CTNNA2: variants seen among roughly 807,000 people sequenced by gnomAD.
CTNNA2 encodes the protein catenin alpha-2.
Under a neutral mutation model 101.0 loss-of-function variants are expected in CTNNA2, and 42 were observed. The ratio of observed to expected loss-of-function variants is 0.42; its 90% CI spans 0.32 to 0.54. The LOEUF (loss-of-function observed/expected upper bound fraction) is 0.54. Among genes scored for constraint, CTNNA2 ranks in the 20% least tolerant of loss-of-function variants. The pLI is 0.14. For synonymous variants in CTNNA2, 450 were observed against 456.4 expected (o/e 0.99, Z 0.18); for missense variants, 871 against 1,223.1 (o/e 0.71, Z 4.29).
intron 7 of CTNNA2, among the ~76,000 whole-genome samples, chr2:80,344,496 A>G (rs1672539833): frequency 6.6e-6 from 1 of 152,156 alleles, no homozygotes; most frequent in Non-Finnish European, 1.5e-5. Flanking sequence ...TAACATTCCC[A>G]AATGTCTTCC....
rs768746480 is a variant in CTNNA2 at position 80,295,532 on chromosome 2, A to G, written c.1057-97679A>G. 5.3e-5 allele frequency among the ~76,000 whole-genome samples: 8 copies of G among 152,328 alleles called. No homozygotes were observed. The South Asian group carries it at 6.2e-4, about 12-fold the overall frequency. ...TCTGGAGGAATAGGAATTCAGGGGA[A>G]TTTTAATTTTCTGGTTAAGTGACAC... On this transcript the variant is annotated intron_variant, in intron 7 of 18. Coordinates refer to ENST00000402739, the MANE Select transcript of CTNNA2 (RefSeq NM_001282597.3).
intron 1 of CTNNA2, among the ~76,000 whole-genome samples, chr2:79,588,808 A>G: frequency 6.6e-6 from 1 of 152,160 alleles, no homozygotes; most frequent in East Asian, 1.9e-4. Flanking sequence ...GACACACAAA[A>G]TACTGGGAAA....
intron 12 of CTNNA2, among the ~76,000 whole-genome samples, chr2:80,565,678 A>T (rs968518574): frequency 2.0e-5 from 3 of 152,068 alleles, no homozygotes; most frequent in African/African-American, 7.2e-5. Flanking sequence ...TGGCTCTTTC[A>T]TGTGCTAGGC....
At chr2:79,487,276 T>C (rs1338690040) in intron 4 of CTNNA2, among the ~76,000 whole-genome samples, 1 of 152,256 alleles carries the variant, frequency 6.6e-6, no homozygotes, top group Non-Finnish European at 1.5e-5. Flanking sequence ...CTTTAGTTAT[T>C]GTAAACATAA....
At chr2:80,024,141 A>G (rs1007628608) in intron 7 of CTNNA2, among the ~76,000 whole-genome samples, 2 of 152,176 alleles carry the variant, frequency 1.3e-5, no homozygotes, top group East Asian at 1.9e-4. Flanking sequence ...ATATTTTACA[A>G]ATAATGAAAA....
rs1160894231 is a variant in CTNNA2, at chr2:80,393,251, T to C, written c.1097T>C (p.Ile366Thr). 2.5e-6 allele frequency: 4 copies of C among 1,611,162 alleles called. No homozygotes were observed. Among genetic ancestry groups the C allele is most frequent in the Non-Finnish European group, 3.4e-6 (4 of 1,178,622 alleles). The change falls in exon 8 of 19, where the codon ATT (isoleucine) becomes ACT (threonine). Residue 366 changes from isoleucine to threonine, a missense_variant. Coordinates refer to ENST00000402739, the MANE Select transcript of CTNNA2 (RefSeq NM_001282597.3). ...AAAGGAGATCCTCTCAACATTGCGA[T>C]TGATAAGATGACTAAGAAAACAAGA... ...KEKGDPLNIA[I>T]DKMTKKTRDL...
intron 7 of CTNNA2, among the ~76,000 whole-genome samples, chr2:80,188,542 G>A (rs528548552): frequency 6.6e-6 from 1 of 152,250 alleles, no homozygotes; most frequent in South Asian, 2.1e-4. Context: ...TAAAGATGTG[G>A]ACAGGGCTGC....
intron 4 of CTNNA2, among the ~76,000 whole-genome samples, chr2:79,484,614 G>A (rs1034109119): frequency 4.6e-5 from 7 of 152,140 alleles, no homozygotes; most frequent in Non-Finnish European, 1.0e-4. Flanking sequence ...GCAAGGGCGA[G>A]GTGCTTGAGA....
intron 2 of CTNNA2, among the ~76,000 whole-genome samples, chr2:79,725,254 C>T (rs1166430833): frequency 6.6e-6 from 1 of 152,138 alleles, no homozygotes; most frequent in Non-Finnish European, 1.5e-5. Context: ...GATGATCAGG[C>T]CCAGATGGTA....
intron 7 of CTNNA2, among the ~76,000 whole-genome samples, chr2:80,351,111 G>T (rs926754766): frequency 2.6e-5 from 4 of 152,054 alleles, no homozygotes; most frequent in African/African-American, 9.7e-5. Flanking sequence ...CAGAATAAAA[G>T]AATAAAAAGA....
At chr2:80,486,866 A>C (rs180834597) in intron 9 of CTNNA2, among the ~76,000 whole-genome samples, 1 of 152,282 alleles carries the variant, frequency 6.6e-6, no homozygotes, top group African/African-American at 2.4e-5. Context: ...CAGCTCATCT[A>C]CTAATGTCCT....
chr2:80,136,221 C>T (rs575929497), intron 7 of CTNNA2, among the ~76,000 whole-genome samples: 77 of 152,160 alleles, frequency 5.1e-4, no homozygotes, highest in East Asian at 9.7e-4. Flanking sequence ...CATAGGCCTG[C>T]GGAGGAGGCA....
chr2:80,309,111 AAGAG>A (rs200394583), intron 7 of CTNNA2, among the ~76,000 whole-genome samples: 2 of 151,792 alleles, frequency 1.3e-5, no homozygotes, highest in African/African-American at 2.4e-5. Flanking sequence ...AAAGAAAAAA[AAGAG>A]AGAGAGAGAG....
In CTNNA2 at chr2:80,307,758, C is replaced by T. The variant is rs150149553; in HGVS notation, c.1057-85453C>T. On this transcript the variant is annotated intron_variant, in intron 7 of 18. Transcript: ENST00000402739. ...GGAACCTGAGCTCATCTAGCTGAAC[C>T]GCTATAGCTGCAAGTCTAGTACTAA... is the stretch of plus-strand genomic sequence containing the variant. Among the ~76,000 whole-genome samples the T allele has an allele frequency of 6.4e-3, 979 of 152,282 alleles. 7 individuals carry two copies. Among genetic ancestry groups the T allele is most frequent in the Non-Finnish European group, 0.01 (682 of 68,030 alleles).
rs979025564 is a variant in CTNNA2 at position 79,744,247 on chromosome 2, G to T, written c.103-140G>T. On this transcript the variant is annotated intron_variant, in intron 2 of 18. Coordinates refer to ENST00000402739, the MANE Select transcript of CTNNA2 (RefSeq NM_001282597.3). The stretch of plus-strand genomic sequence containing the variant: ...ACTTTCCTTGATAAGGTTATGTGAG[G>T]AGGCTAAGTGATGTGCATTCATGAT... 4.4e-6 allele frequency: 3 copies of T among 687,408 alleles called. No homozygotes were observed. In the African/African-American group the frequency reaches 5.5e-5, roughly 12 times the overall value. The allele number at this position is 687,408 out of a possible 1,614,324, so 42.6% of individuals were successfully genotyped here.
chr2:79,822,970 T>C (rs1678132046), intron 3 of CTNNA2, among the ~76,000 whole-genome samples: 1 of 152,194 alleles, frequency 6.6e-6, no homozygotes, highest in Non-Finnish European at 1.5e-5. Context: ...TGACAGGCTC[T>C]TTTCTGATGT....
At chr2:79,741,503 T>A (rs1259221852) in intron 2 of CTNNA2, among the ~76,000 whole-genome samples, 1 of 152,126 alleles carries the variant, frequency 6.6e-6, no homozygotes, top group Non-Finnish European at 1.5e-5. Flanking sequence ...GAATGCGGGA[T>A]GTCTCTCTAT....
intron 7 of CTNNA2, among the ~76,000 whole-genome samples, chr2:79,982,433 C>CAT (rs1691439758): frequency 6.9e-6 from 1 of 144,120 alleles, no homozygotes; most frequent in Non-Finnish European, 1.5e-5. Context: ...ACATATATAA[C>CAT]ATATATATAA....
intron 7 of CTNNA2, among the ~76,000 whole-genome samples, chr2:80,378,099 G>A (rs1435101771): frequency 6.6e-6 from 1 of 152,116 alleles, no homozygotes; most frequent in East Asian, 1.9e-4. Context: ...GCTCAAGCCT[G>A]TAATCCCAGC....
Sources: gnomAD v4.1 joint callset for allele counts (sites outside exome capture counted in the v4.1 genomes callset) on GRCh38, gnomAD v4.1.1 for gene constraint, MANE v1.5 for transcripts, NCBI Gene and HGNC (gene_info 2026-07-23, HGNC 2026-07-21) for gene names.